The following UBAP2 variants were observed in gnomAD, a reference collection of about 807,000 sequenced individuals.
UBAP2 encodes ubiquitin associated protein 2.
In UBAP2, 75 loss-of-function variants were observed where a neutral mutation model predicts 139.6. That is an observed-to-expected ratio of 0.54 (90% CI 0.45 to 0.65). The LOEUF (loss-of-function observed/expected upper bound fraction) is 0.65. Ranked by LOEUF, UBAP2 falls within the 30% of genes least tolerant of loss-of-function variation. UBAP2 has a pLI of 0.00. For missense variants in UBAP2, 1,368 were observed against 1,369.6 expected (o/e 1.00, Z 0.02); for synonymous variants, 526 against 526.2 (o/e 1.00, Z 0.01).
In UBAP2 at chr9:33,933,595, G is replaced by A. The variant is rs750197796; in HGVS notation, c.2003C>T (p.Pro668Leu). 67 of 1,613,884 alleles carry A rather than the reference G, an allele frequency of 4.2e-5. No homozygotes were observed. Among genetic ancestry groups the A allele is most frequent in the Admixed American group, 2.5e-4 (15 of 59,998 alleles). The change falls in exon 18 of 29, where the codon CCG becomes CTG. Residue 668 changes from proline to leucine, a missense_variant. Transcript: ENST00000379238. ...PKTTGPPSAL[P>L]SVSSLPSTTS... ...GGTGCTGGGCAGGGAGCTCACAGAC[G>A]GGAGGGCAGAGGGAGGGCCTGTTGT...
chr9:33,935,927 T>C (rs1265758125), intron 16 of UBAP2, 49 bp from the exon 17 acceptor site: 2 of 1,564,638 alleles, frequency 1.3e-6, no homozygotes, highest in African/African-American at 1.4e-5. Flanking sequence ...AATGAAATCA[T>C]TACCTGAGTG....
chr9:33,939,081 T>C (rs1246751664), intron 16 of UBAP2, among the ~76,000 whole-genome samples: 1 of 152,058 alleles, frequency 6.6e-6, no homozygotes, highest in African/African-American at 2.4e-5. Flanking sequence ...TTTACTCAGT[T>C]TATATGTTCC....
chr9:34,004,749 A>C (rs1823035458), intron 2 of UBAP2, among the ~76,000 whole-genome samples: 1 of 151,126 alleles, frequency 6.6e-6, no homozygotes, highest in Admixed American at 6.6e-5. Flanking sequence ...GCGCCACTGC[A>C]CTCCAGCCTG....
At chr9:33,976,969 G>A (rs1232798189) in intron 6 of UBAP2, among the ~76,000 whole-genome samples, 6 of 151,488 alleles carry the variant, frequency 4.0e-5, no homozygotes, top group East Asian at 3.9e-4. Flanking sequence ...CCGAGATGGC[G>A]CCACTGCACT....
chr9:33,936,018 AAAC>A, intron 16 of UBAP2, 140 bp from the exon 17 acceptor site: 2 of 990,338 alleles, frequency 2.0e-6, no homozygotes, highest in East Asian at 2.8e-5. Context: ...AAGGGAAGAT[AAAC>A]AACAAACTCT....
At chr9:34,009,304 G>T (rs1467454333) in intron 2 of UBAP2, among the ~76,000 whole-genome samples, 1 of 151,942 alleles carries the variant, frequency 6.6e-6, no homozygotes, top group Non-Finnish European at 1.5e-5. Flanking sequence ...TTGTAATGTT[G>T]GCCAGGCTGG....
chr9:33,949,680 G>A (rs1244647511), intron 12 of UBAP2, among the ~76,000 whole-genome samples: 1 of 125,886 alleles, frequency 7.9e-6, no homozygotes, highest in East Asian at 2.0e-4. Context: ...TCCAGCCTGG[G>A]TGACAGAGCT....
At chr9:33,951,332 ATTTTTTTTTTTTTTTTTTTT>A (rs57473520) in intron 12 of UBAP2, among the ~76,000 whole-genome samples, 13 of 68,976 alleles carry the variant, frequency 1.9e-4, no homozygotes, top group Admixed American at 8.8e-4. Flanking sequence ...CTCCCCAATG[ATTTTTTTTTTTTTTTTTTTT>A]TTTTTTTTTT....
chr9:34,011,460 C>T (rs10971847), intron 2 of UBAP2, among the ~76,000 whole-genome samples: 11,999 of 152,126 alleles, frequency 0.079, 684 homozygotes, highest in Non-Finnish European at 0.12. Context: ...TATAGTAACA[C>T]TAGTGCTAGC....
intron 23 of UBAP2, 46 bp downstream of exon 23, chr9:33,924,160 C>G: frequency 1.9e-6 from 3 of 1,608,322 alleles, no homozygotes; most frequent in Non-Finnish European, 2.6e-6. Context: ...CTGGAGTTCG[C>G]GCTAGGCCGG....
chr9:33,933,026 G>C (rs751605574), intron 18 of UBAP2, among the ~76,000 whole-genome samples: 1 of 152,172 alleles, frequency 6.6e-6, no homozygotes, highest in Non-Finnish European at 1.5e-5. Context: ...AAGAGTGATG[G>C]AGAACACTCC....
chr9:34,009,806 C>CTT (rs201452836), intron 2 of UBAP2, among the ~76,000 whole-genome samples: 56 of 129,798 alleles, frequency 4.3e-4, no homozygotes, highest in Middle Eastern at 3.9e-3. Context: ...CTTATATTTC[C>CTT]TTTTTTTTTT....
intron 6 of UBAP2, among the ~76,000 whole-genome samples, chr9:33,979,092 G>A (rs1242901307): frequency 6.6e-6 from 1 of 151,982 alleles, no homozygotes; most frequent in African/African-American, 2.4e-5. Context: ...AAAATTAGCT[G>A]GGCATTGTGA....
intron 1 of UBAP2, among the ~76,000 whole-genome samples, chr9:34,017,403 A>T (rs1343124803): frequency 6.6e-6 from 1 of 152,178 alleles, no homozygotes; most frequent in African/African-American, 2.4e-5. Flanking sequence ...TAGCAATTCT[A>T]AACAAAAATC....
At chr9:34,019,138 C>T (rs1473887622) in intron 1 of UBAP2, among the ~76,000 whole-genome samples, 1 of 152,146 alleles carries the variant, frequency 6.6e-6, no homozygotes, top group East Asian at 1.9e-4. Context: ...CAGTGGCTCA[C>T]ACCTGTAATC....
At position 33,926,621 on chromosome 9, in the gene UBAP2, G is replaced by T. The variant is rs1355991602; in HGVS notation, c.2507C>A (p.Pro836Gln). 5 of 1,614,040 alleles carry T rather than the reference G, an allele frequency of 3.1e-6. No homozygotes were observed. In the Admixed American group the frequency reaches 6.7e-5, roughly 22 times the overall value. Reference sequence around the variant, plus strand: ...ACCAGTCCATACCCCACTCACCACTGGCAGCCGTGACTGCAGCATCTGGAG... The same window carrying T: ...ACCAGTCCATACCCCACTCACCACTTGCAGCCGTGACTGCAGCATCTGGAG... ...DELQMLQSRLPVDYYGIPFAA... is the reference protein window; with the variant it reads ...DELQMLQSRLQVDYYGIPFAA... Residue 836 changes from proline (P) to glutamine (Q), a missense_variant, in exon 22 of 29, where the codon CCA becomes CAA. Physicochemically the swap from Pro to Gln is moderately conservative, Grantham distance 76 (BLOSUM62 -1). Coordinates refer to ENST00000379238, the MANE Select transcript of UBAP2 (RefSeq NM_001370062.2).
intron 11 of UBAP2, among the ~76,000 whole-genome samples, chr9:33,955,205 CAAAAGTGAAAATAGCAACCATTAA>C (rs969371566): frequency 6.7e-6 from 1 of 149,514 alleles, no homozygotes; most frequent in Admixed American, 6.6e-5. Context: ...AACAGGTCTA[CAAAAGTGAAAATAGCAACCATTAA>C]AAAAGTTTAG....
intron 10 of UBAP2, among the ~76,000 whole-genome samples, chr9:33,959,221 T>C (rs914111161): frequency 2.6e-5 from 4 of 152,144 alleles, no homozygotes; most frequent in Admixed American, 1.3e-4. Flanking sequence ...AGTGGGTTGT[T>C]CAAACACCAC....
In UBAP2 at chr9:33,944,486, G is replaced by A. The variant is rs1825498674; in HGVS notation, c.1424C>T (p.Ser475Phe). 1.2e-6 allele frequency: 2 copies of A among 1,614,102 alleles called. No homozygotes were observed. The highest frequency in any genetic ancestry group is 1.1e-5 in the South Asian group (1 of 91,072). Residue 475 changes from serine to phenylalanine, a missense_variant, in exon 14 of 29, where the codon TCC (serine) becomes TTC (phenylalanine). Physicochemically the swap from Ser to Phe is radical, Grantham distance 155 (BLOSUM62 -2). Coordinates refer to ENST00000379238, the MANE Select transcript of UBAP2 (RefSeq NM_001370062.2). ...AAGCTGCAAAAGCTTGTTCACAGTG[G>A]AGGGACTGTCTCCAGGTGTTGATTC... The part of the protein sequence containing the change: ...LRESTPGDSP[S>F]TVNKLLQLPS...
Sources: allele counts gnomAD v4.1 joint callset (sites outside exome capture counted in the v4.1 genomes callset), GRCh38; gene constraint gnomAD v4.1.1; transcripts MANE v1.5; gene names NCBI Gene and HGNC (gene_info 2026-07-23, HGNC 2026-07-21).